The following FKTN variants were observed in gnomAD, a reference collection of about 807,000 sequenced individuals.
FKTN encodes ribitol-5-phosphate transferase FKTN.
A neutral mutation model predicts 58.6 loss-of-function variants in FKTN; 47 were observed. That is an observed-to-expected ratio of 0.80 (90% confidence interval 0.63 to 1.02). FKTN has a LOEUF of 1.02. Ranked by LOEUF, FKTN falls within the 50% of genes least tolerant of loss-of-function variation. The pLI, the probability that FKTN is intolerant of heterozygous loss-of-function variation, is 0.00. For synonymous variants in FKTN, 178 were observed against 191.9 expected (o/e 0.93, Z 0.60); for missense variants, 516 against 537.3 (o/e 0.96, Z 0.39).
intron 3 of FKTN, among the ~76,000 whole-genome samples, chr9:105,596,017 A>T (rs1005115928): frequency 7.9e-5 from 12 of 152,182 alleles, no homozygotes; most frequent in African/African-American, 2.7e-4. Context: ...TAGACCTGAA[A>T]TATCTTTTAT....
chr9:105,603,860 G>A, intron 5 of FKTN: 1 of 315,012 alleles, frequency 3.2e-6, no homozygotes, highest in East Asian at 7.9e-5. Context: ...TGTATTTTTT[G>A]TAGAGACAGG....
At chr9:105,562,896 C>T (rs1838557736) in intron 1 of FKTN, among the ~76,000 whole-genome samples, 1 of 152,188 alleles carries the variant, frequency 6.6e-6, no homozygotes, top group Non-Finnish European at 1.5e-5. Context: ...AAGGATATGG[C>T]TAGGCTCTCA....
chr9:105,559,945 G>A (rs2131621439), intron 1 of FKTN, among the ~76,000 whole-genome samples: 1 of 152,174 alleles, frequency 6.6e-6, no homozygotes, highest in East Asian at 1.9e-4. Flanking sequence ...AGCAAGGAAG[G>A]AGTTCTTTTT....
At position 105,604,533 on chromosome 9, in the gene FKTN, G is replaced by A. The variant is rs1373197373; in HGVS notation, c.647+41G>A. On this transcript the variant is annotated intron_variant, in intron 6 of 10. Transcript: ENST00000357998. Reference sequence around the variant, plus strand: ...AAACGTGAAATGTGAAATGAGTGTTGTTCAGTCATAATTCTTGCAGTGTTT... The same window carrying A: ...AAACGTGAAATGTGAAATGAGTGTTATTCAGTCATAATTCTTGCAGTGTTT... 5 of 1,522,464 alleles carry A rather than the reference G, an allele frequency of 3.3e-6. No homozygotes were observed. The African/African-American group carries it at 4.1e-5, about 12-fold the overall frequency. 94.3% of individuals were successfully genotyped at this position (1,522,464 alleles called of 1,614,324 possible).
chr9:105,565,562 A>G (rs182504250), intron 1 of FKTN, among the ~76,000 whole-genome samples: 3 of 152,118 alleles, frequency 2.0e-5, no homozygotes, highest in Admixed American at 6.5e-5. Context: ...AGGCCATTAC[A>G]TAATGGTAAA....
Position 105,640,178 on chromosome 9 carries a change from G to A in FKTN, c.*4914G>A. The A allele has an allele frequency of 6.5e-7, 1 of 1,532,954 alleles. No homozygotes were observed. Among genetic ancestry groups the A allele is most frequent in the Non-Finnish European group, 8.7e-7 (1 of 1,145,572 alleles). The allele number at this position is 1,532,954 out of a possible 1,614,324, so 95.0% of individuals were successfully genotyped here. On this transcript the variant is annotated 3_prime_UTR_variant, in exon 11 of 11. Transcript: ENST00000357998. ...GAAATCCTAATTACAGTTCATAAGT[G>A]AAACAGACTAATTCAATGGCAATAC...
At chr9:105,619,522 T>C (rs1253050918) in intron 9 of FKTN, among the ~76,000 whole-genome samples, 1 of 152,248 alleles carries the variant, frequency 6.6e-6, no homozygotes, top group African/African-American at 2.4e-5. Context: ...AATGCCACTT[T>C]ACTTAAGTAC....
intron 1 of FKTN, among the ~76,000 whole-genome samples, chr9:105,564,114 A>G (rs1751271578): frequency 1.3e-5 from 2 of 152,256 alleles, no homozygotes; most frequent in South Asian, 4.1e-4. Flanking sequence ...AAAACTAACA[A>G]ACAGAAAGGA....
chr9:105,578,372 A>G (rs1240222129), intron 3 of FKTN, among the ~76,000 whole-genome samples: 1 of 142,126 alleles, frequency 7.0e-6, no homozygotes, highest in African/African-American at 2.7e-5. Flanking sequence ...GAGAGTTTTT[A>G]GCATGAAGGG....
intron 1 of FKTN, among the ~76,000 whole-genome samples, chr9:105,566,360 A>G (rs970584607): frequency 6.6e-6 from 1 of 152,172 alleles, no homozygotes; most frequent in Non-Finnish European, 1.5e-5. Context: ...TGAATTCAGG[A>G]GCTGGTTTTT....
chr9:105,596,559 CTTTGAATTTACTAAAAAGTTCT>C lies in FKTN; in HGVS notation c.106-34_106-13del. On this transcript the variant is annotated splice_polypyrimidine_tract_variant and intron_variant, in intron 3 of 10. Coordinates refer to ENST00000357998, the MANE Select transcript of FKTN (RefSeq NM_001079802.2). ...CTGAAATGTAATGTTGCATGCTGGACTTTGAATTTACTAAAAAGTTCTTTTGTTGTCTTCCTAGAATGGAGCT... is the reference window on the plus strand; with the variant it reads ...CTGAAATGTAATGTTGCATGCTGGACTTTGTTGTCTTCCTAGAATGGAGCT... 1.4e-6 allele frequency: 2 copies of C among 1,405,006 alleles called. No individual in the cohort carries two copies. The highest frequency in any genetic ancestry group is 2.0e-6 in the Non-Finnish European group (2 of 990,354). The allele number at this position is 1,405,006 out of a possible 1,614,324, so 87.0% of individuals were successfully genotyped here.
At chr9:105,604,989 AT>A (rs1227392825) in intron 6 of FKTN, among the ~76,000 whole-genome samples, 1 of 151,850 alleles carries the variant, frequency 6.6e-6, no homozygotes, top group African/African-American at 2.4e-5. Flanking sequence ...GGAATAAATA[AT>A]TTTTGATATA....
At position 105,638,849 on chromosome 9, in the gene FKTN, T is replaced by C. The variant is rs1164867270; in HGVS notation, c.*3585T>C. ...GTTTGTGACCTCAAACCATTGTTTT[T>C]ATTCTTACACGACTACAGTACTTCA... On this transcript the variant is annotated 3_prime_UTR_variant, in exon 11 of 11. Transcript: ENST00000357998. 1 of 984,948 alleles carries C rather than the reference T, an allele frequency of 1.0e-6. No homozygotes were observed. The highest frequency in any genetic ancestry group is 1.1e-4 in the East Asian group (1 of 8,828). The allele number at this position is 984,948 out of a possible 1,614,324, so 61.0% of individuals were successfully genotyped here. A position where few individuals can be genotyped will look rare whatever the true frequency, so the allele number is the denominator to read the frequency against.
At chr9:105,588,749 A>T (rs1844346394) in intron 3 of FKTN, among the ~76,000 whole-genome samples, 2 of 152,222 alleles carry the variant, frequency 1.3e-5, no homozygotes, top group Non-Finnish European at 2.9e-5. Context: ...TGGAATAAGA[A>T]CCAAACTTCT....
intron 3 of FKTN, 130 bp downstream of exon 3, chr9:105,575,267 A>G (rs910840865): frequency 3.0e-6 from 2 of 663,062 alleles, no homozygotes; most frequent in Non-Finnish European, 5.4e-6. Context: ...GAGGTGTGGC[A>G]AACAATTAAA....
rs115727220 is a variant in FKTN, at chr9:105,628,846, G to A, written c.1173-6205G>A. Among the ~76,000 whole-genome samples the A allele has an allele frequency of 6.6e-3, 998 of 152,320 alleles. 16 individuals are homozygous for A. Among genetic ancestry groups the A allele is most frequent in the African/African-American group, 0.023 (947 of 41,578 alleles). ...ATATACTGTGTACTTGCTGTTATTT[G>A]AAATTGCACAGGAAAAACCAACCAA... On this transcript the variant is annotated intron_variant, in intron 10 of 10. Coordinates refer to ENST00000357998, the MANE Select transcript of FKTN (RefSeq NM_001079802.2).
intron 9 of FKTN, among the ~76,000 whole-genome samples, chr9:105,618,429 A>G (rs1197375437): frequency 1.3e-5 from 2 of 152,186 alleles, no homozygotes; most frequent in African/African-American, 4.8e-5. Context: ...AATCAATATA[A>G]TGTATAATAT....
In FKTN at chr9:105,635,127, G is replaced by A. The variant is rs765934383; in HGVS notation, c.1249G>A (p.Glu417Lys). Reference sequence around the variant, plus strand: ...GGTCCATGTACCCTGTGAAACCCTCGAATACATTGAAGCCAACTATGGTAA... The same window carrying A: ...GGTCCATGTACCCTGTGAAACCCTCAAATACATTGAAGCCAACTATGGTAA... ...MKVHVPCETL[E>K]YIEANYGKTW... The change falls in exon 11 of 11, where the codon GAA (glutamate) becomes AAA (lysine). Residue 417 changes from glutamate to lysine, a missense_variant. Transcript: ENST00000357998. 4.7e-5 allele frequency: 76 copies of A among 1,613,962 alleles called. No individual in the cohort carries two copies. Among genetic ancestry groups the A allele is most frequent in the Middle Eastern group, 1.6e-4 (1 of 6,084 alleles).
Position 105,636,682 on chromosome 9 carries a change from C to T in FKTN, c.*1418C>T, listed in dbSNP as rs1457350630. The stretch of plus-strand genomic sequence containing the variant: ...TTTTCTCTTTGTCTAGGAAAGGAAG[C>T]TGAATCTTATATCTTATCTATGCTA... On this transcript the variant is annotated 3_prime_UTR_variant, in exon 11 of 11. Transcript: ENST00000357998. 3.9e-6 allele frequency: 5 copies of T among 1,269,474 alleles called. No individual in the cohort carries two copies. The highest frequency in any genetic ancestry group is 1.5e-5 in the African/African-American group (1 of 65,186). The allele number at this position is 1,269,474 out of a possible 1,614,324, so 78.6% of individuals were successfully genotyped here.
Sources: gnomAD v4.1 joint callset for allele counts (sites outside exome capture counted in the v4.1 genomes callset) on GRCh38, gnomAD v4.1.1 for gene constraint, MANE v1.5 for transcripts, NCBI Gene and HGNC (gene_info 2026-07-23, HGNC 2026-07-21) for gene names.